OXTR: variants seen among roughly 807,000 people sequenced by gnomAD.
OXTR encodes oxytocin receptor.
A neutral mutation model predicts 23.9 loss-of-function variants in OXTR; 19 were observed. That is an observed-to-expected ratio of 0.80 (90% CI 0.56 to 1.17). OXTR has a LOEUF of 1.17. Ranked by LOEUF, OXTR falls within the 50% of genes most tolerant of loss-of-function variation. OXTR has a pLI of 0.00. For missense variants in OXTR, 500 were observed against 550.7 expected (o/e 0.91, Z 0.92); for synonymous variants, 278 against 250.5 (o/e 1.11, Z -1.04).
chr3:8,742,763 G>C, the OXTR span, among the ~76,000 whole-genome samples: 1 of 152,216 alleles, frequency 6.6e-6, no homozygotes, highest in Non-Finnish European at 1.5e-5. Flanking sequence ...TGAAAGGATG[G>C]ATGGATAGAT....
chr3:8,745,450 C>A, downstream of OXTR: 1 of 1,126,422 alleles, frequency 8.9e-7, no homozygotes, highest in Non-Finnish European at 1.3e-6. This position sits in a 1 kb window ranked among gnomAD's most constrained non-coding sequence, Gnocchi z 4.8. Context: ...GATTCTGACA[C>A]ATGCACGCAC....
intron 3 of OXTR, among the ~76,000 whole-genome samples, chr3:8,755,315 A>G (rs1184700068): frequency 6.6e-6 from 1 of 152,244 alleles, no homozygotes; most frequent in East Asian, 1.9e-4. Flanking sequence ...ACCAGCCACA[A>G]AGGGAAGGAC....
downstream of OXTR, among the ~76,000 whole-genome samples, chr3:8,748,901 G>A (rs113669382): frequency 1.3e-5 from 2 of 152,100 alleles, no homozygotes; most frequent in African/African-American, 4.8e-5. Context: ...TTTTTCCAGC[G>A]CTTAAAGAAA....
At chr3:8,759,464 G>A (rs1708443516) in intron 3 of OXTR, among the ~76,000 whole-genome samples, 1 of 152,232 alleles carries the variant, frequency 6.6e-6, no homozygotes, top group South Asian at 2.1e-4. Context: ...AAAATAGGAA[G>A]AGTTCAATAA....
chr3:8,744,309 C>T, the OXTR span, among the ~76,000 whole-genome samples: 20 of 137,146 alleles, frequency 1.5e-4, no homozygotes, highest in Admixed American at 7.6e-4. Flanking sequence ...GATGGAGTCT[C>T]GCTCTGTCAC....
chr3:8,759,510 C>G (rs1708444046), intron 3 of OXTR, among the ~76,000 whole-genome samples: 1 of 152,168 alleles, frequency 6.6e-6, no homozygotes, highest in Non-Finnish European at 1.5e-5. Flanking sequence ...AATTAGCAGG[C>G]AAGAGGTCCT....
At chr3:8,765,377 AGGGGACCCCAAGGAGAGAGGAGT>A (rs1284166807) in intron 3 of OXTR, among the ~76,000 whole-genome samples, 2 of 152,206 alleles carry the variant, frequency 1.3e-5, no homozygotes, top group Non-Finnish European at 2.9e-5. Context: ...GGGAGAGGCG[AGGGGACCCCAAGGAGAGAGGAGT>A]GGAATGTCTG....
chr3:8,754,532 C>G (rs1323690255), intron 3 of OXTR, among the ~76,000 whole-genome samples: 5 of 152,164 alleles, frequency 3.3e-5, no homozygotes, highest in Non-Finnish European at 7.3e-5. Flanking sequence ...AGAGCTAAAT[C>G]CAGGGAAGGA....
the OXTR span, among the ~76,000 whole-genome samples, chr3:8,744,428 G>A: frequency 1.0e-4 from 15 of 148,000 alleles, no homozygotes; most frequent in Admixed American, 5.4e-4. Flanking sequence ...ACAGACACCC[G>A]CTGCCATACC....
intron 3 of OXTR, among the ~76,000 whole-genome samples, chr3:8,766,206 C>T (rs929890888): frequency 1.3e-5 from 2 of 152,162 alleles, no homozygotes; most frequent in African/African-American, 2.4e-5. Flanking sequence ...GCAATCACCC[C>T]CTCCTGGTCT....
intron 3 of OXTR, among the ~76,000 whole-genome samples, chr3:8,758,398 G>A (rs551289988): frequency 1.4e-4 from 22 of 152,234 alleles, no homozygotes; most frequent in South Asian, 2.1e-4. Context: ...CTGAGTCAAA[G>A]CAAGCCCATC....
At chr3:8,758,846 G>A (rs1278967348) in intron 3 of OXTR, among the ~76,000 whole-genome samples, 2 of 152,158 alleles carry the variant, frequency 1.3e-5, no homozygotes, top group East Asian at 3.9e-4. Context: ...TCCTGCAAAC[G>A]ACCAGCCCTT....
intron 3 of OXTR, among the ~76,000 whole-genome samples, chr3:8,753,815 A>ATCAG (rs1211276693): frequency 6.6e-6 from 1 of 151,916 alleles, no homozygotes; most frequent in African/African-American, 2.4e-5. Flanking sequence ...TGCCGGGCAA[A>ATCAG]TCAAATAAAA....
intron 3 of OXTR, among the ~76,000 whole-genome samples, chr3:8,761,335 G>T (rs1395792863): frequency 6.6e-6 from 1 of 152,214 alleles, no homozygotes; most frequent in Non-Finnish European, 1.5e-5. Context: ...CTCGGTGTGT[G>T]TGTGTGTAGG....
chr3:8,747,925 C>G (rs574561305), downstream of OXTR, among the ~76,000 whole-genome samples: 2 of 152,182 alleles, frequency 1.3e-5, no homozygotes, highest in African/African-American at 4.8e-5. Context: ...AGACTATGGT[C>G]GGTGCTTAAT....
At chr3:8,745,675 G>A (rs1274250459), downstream of OXTR, 1 of 1,614,012 alleles carries the variant, frequency 6.2e-7, no homozygotes, top group Non-Finnish European at 8.5e-7. The surrounding 1 kb of genome is among the most constrained non-coding windows in gnomAD (Gnocchi z 4.8). Context: ...CCCTGCTCTG[G>A]GGCTTCCTGT....
intron 3 of OXTR, among the ~76,000 whole-genome samples, chr3:8,760,534 G>A (rs1411927045): frequency 1.3e-5 from 2 of 152,186 alleles, no homozygotes; most frequent in Non-Finnish European, 1.5e-5. Context: ...AAGAAGCCCC[G>A]CAAACTGGGA....
rs865968443 is a variant in OXTR, at chr3:8,757,433, A to T, written c.923-4209T>A. ...ATTTTCCCAACACTTCTCAAAAGTT[A>T]AAAAAAAAAACAAAAAACAAAAAAA... On this transcript the variant is annotated intron_variant, in intron 3 of 3. Coordinates refer to ENST00000316793, the MANE Select transcript of OXTR (RefSeq NM_000916.4). 3.4e-5 allele frequency among the ~76,000 whole-genome samples: 5 copies of T among 144,946 alleles called. No homozygotes were observed. In the South Asian group the frequency reaches 6.6e-4, roughly 19 times the overall value.
the OXTR span, among the ~76,000 whole-genome samples, chr3:8,743,800 C>A: frequency 6.6e-6 from 1 of 152,176 alleles, no homozygotes; most frequent in Non-Finnish European, 1.5e-5. Flanking sequence ...CTTCTTTCCC[C>A]AGAAAATATT....
Sources: allele counts gnomAD v4.1 joint callset (sites outside exome capture counted in the v4.1 genomes callset), GRCh38; gene constraint gnomAD v4.1.1; non-coding constraint Gnocchi (gnomAD v3.1); transcripts MANE v1.5; gene names NCBI Gene and HGNC (gene_info 2026-07-23, HGNC 2026-07-21).